CACNA1C: variants seen among roughly 807,000 people sequenced by gnomAD.
The protein encoded by CACNA1C is calcium voltage-gated channel subunit alpha1 C, also known as voltage-dependent L-type calcium channel subunit alpha-1C.
Under a neutral mutation model 229.0 loss-of-function variants are expected in CACNA1C, and 30 were observed. That is an observed-to-expected ratio of 0.13 (90% CI 0.10 to 0.18). CACNA1C has a LOEUF of 0.18. Among genes scored for constraint, CACNA1C ranks in the 10% least tolerant of loss-of-function variants. The probability of loss-of-function intolerance (pLI) is 1.00; values close to 1 mark genes in which losing one functional copy is unlikely to be tolerated. For synonymous variants in CACNA1C, 1,114 were observed against 1,132.5 expected, an observed-to-expected ratio of 0.98 and a Z score of 0.33; for missense variants, 1,658 against 2,845.0, an observed-to-expected ratio of 0.58 and a Z score of 9.49.
intron 3 of CACNA1C, among the ~76,000 whole-genome samples, chr12:2,213,758 G>A (rs77810332): frequency 0.026 from 3,938 of 152,310 alleles, 172 homozygotes; most frequent in African/African-American, 0.09. Flanking sequence ...CGGAGGCAGC[G>A]TTGACAAGGG....
intron 3 of CACNA1C, among the ~76,000 whole-genome samples, chr12:2,442,782 A>C (rs1489863374): frequency 6.6e-6 from 1 of 152,160 alleles, no homozygotes; most frequent in East Asian, 1.9e-4. Context: ...ACATGATGAG[A>C]ACAGAGCAAG....
At chr12:2,270,539 A>G (rs1465989737) in intron 3 of CACNA1C, among the ~76,000 whole-genome samples, 1 of 152,196 alleles carries the variant, frequency 6.6e-6, no homozygotes, top group Non-Finnish European at 1.5e-5. Flanking sequence ...GAACACGAGT[A>G]GTCTCTTTGA....
At chr12:2,208,111 G>C (rs578110391) in intron 3 of CACNA1C, among the ~76,000 whole-genome samples, 1 of 152,282 alleles carries the variant, frequency 6.6e-6, no homozygotes, top group African/African-American at 2.4e-5. Context: ...TGGAATTTCA[G>C]ACTTTAGCAG....
chr12:2,673,481 A>AAAAG (rs1420620264), intron 38 of CACNA1C, among the ~76,000 whole-genome samples: 4 of 151,954 alleles, frequency 2.6e-5, no homozygotes, highest in Non-Finnish European at 5.9e-5. Context: ...AAAAAAAAAA[A>AAAAG]AAAGACACCC....
intron 27 of CACNA1C, 88 bp from the exon 28 acceptor site, chr12:2,610,453 C>G: frequency 1.5e-6 from 2 of 1,339,456 alleles, no homozygotes; most frequent in Non-Finnish European, 2.1e-6. Flanking sequence ...AGTGTGTGGT[C>G]TCATCACATC....
chr12:2,217,502 A>T (rs1451339003), intron 3 of CACNA1C: 1 of 152,248 alleles, frequency 6.6e-6, no homozygotes, highest in Non-Finnish European at 1.5e-5. Flanking sequence ...GAAAAACAGA[A>T]ATGTATAAAG....
chr12:2,029,258 T>C lies in CACNA1C; in HGVS notation c.139+58057T>C, dbSNP rs1373682665. Reference sequence around the variant, plus strand: ...ATTCGTGGGGCCAATATGTTGATGCTGCATTTATAAATTTTTAAAAATTGA... The same window carrying C: ...ATTCGTGGGGCCAATATGTTGATGCCGCATTTATAAATTTTTAAAAATTGA... On this transcript the variant is annotated intron_variant, in intron 1 of 46. Transcript: ENST00000682462. This position sits in a 1 kb window ranked among gnomAD's most constrained non-coding sequence, Gnocchi z 4.9. Among the ~76,000 whole-genome samples, 1 of 152,210 alleles carries C rather than the reference T, an allele frequency of 6.6e-6. No homozygotes were observed. The highest frequency in any genetic ancestry group is 1.5e-5 in the Non-Finnish European group (1 of 68,032).
intron 19 of CACNA1C, among the ~76,000 whole-genome samples, chr12:2,593,924 A>AT (rs2066764826): frequency 6.6e-6 from 1 of 152,176 alleles, no homozygotes; most frequent in Admixed American, 6.5e-5. Context: ...GTAATGGCAA[A>AT]TTCAGTGGGC....
chr12:2,236,618 C>T (rs2067480950), intron 3 of CACNA1C, among the ~76,000 whole-genome samples: 1 of 152,106 alleles, frequency 6.6e-6, no homozygotes, highest in Non-Finnish European at 1.5e-5. Context: ...TTAGTCCTAA[C>T]TTTTCTCAGT....
At chr12:2,060,416 C>T (rs549638833) in intron 1 of CACNA1C, among the ~76,000 whole-genome samples, 6 of 152,328 alleles carry the variant, frequency 3.9e-5, no homozygotes, top group Middle Eastern at 3.4e-3. Context: ...CTAGGACCCC[C>T]GGCCTACTCC....
intron 3 of CACNA1C, among the ~76,000 whole-genome samples, chr12:2,404,979 C>T (rs528540111): frequency 6.6e-6 from 1 of 152,262 alleles, no homozygotes; most frequent in South Asian, 2.1e-4. Context: ...TGCTAAACTG[C>T]ACAAGGAACT....
intron 1 of CACNA1C, among the ~76,000 whole-genome samples, chr12:2,007,631 T>C (rs923788579): frequency 6.6e-6 from 1 of 152,260 alleles, no homozygotes; most frequent in Non-Finnish European, 1.5e-5. Flanking sequence ...GTGAACAACA[T>C]GCTAATATGA....
intron 9 of CACNA1C, among the ~76,000 whole-genome samples, chr12:2,541,689 C>G (rs1425781892): frequency 6.6e-6 from 1 of 152,192 alleles, no homozygotes; most frequent in Admixed American, 6.5e-5. Flanking sequence ...GGATAACGAG[C>G]TACCAGCTAA....
intron 3 of CACNA1C, among the ~76,000 whole-genome samples, chr12:2,360,151 A>ACCTCACCCC (rs2097516466): frequency 1.5e-5 from 1 of 67,600 alleles, no homozygotes; most frequent in Non-Finnish European, 2.9e-5. Flanking sequence ...ACACAAACAC[A>ACCTCACCCC]CCCCACCCCC....
intron 9 of CACNA1C, among the ~76,000 whole-genome samples, chr12:2,519,225 A>T (rs2099804625): frequency 6.6e-6 from 1 of 152,060 alleles, no homozygotes; most frequent in Admixed American, 6.5e-5. Flanking sequence ...CCTTTAATTC[A>T]CCGTTGTGTC....
intron 3 of CACNA1C, among the ~76,000 whole-genome samples, chr12:2,253,892 ATG>A (rs2076471190): frequency 2.6e-5 from 4 of 152,172 alleles, no homozygotes; most frequent in African/African-American, 9.7e-5. Flanking sequence ...TGCCTGATTT[ATG>A]GGATCACTGG....
chr12:2,543,034 T>C (rs982564128), intron 9 of CACNA1C, among the ~76,000 whole-genome samples: 1 of 152,218 alleles, frequency 6.6e-6, no homozygotes, highest in Non-Finnish European at 1.5e-5. Flanking sequence ...CCACTCCTGC[T>C]GGCAGATGTT....
intron 1 of CACNA1C, among the ~76,000 whole-genome samples, chr12:2,065,089 C>T (rs2058851148): frequency 6.6e-6 from 1 of 152,200 alleles, no homozygotes. Context: ...TGCCTCTGGG[C>T]CGCTGTGCAG....
chr12:2,041,432 G>A (rs894485583), intron 1 of CACNA1C, among the ~76,000 whole-genome samples: 3 of 151,758 alleles, frequency 2.0e-5, no homozygotes, highest in African/African-American at 7.3e-5. Flanking sequence ...GCTTGCCACC[G>A]CGTCCGGCTA....
Sources: allele counts gnomAD v4.1 joint callset (sites outside exome capture counted in the v4.1 genomes callset), GRCh38; gene constraint gnomAD v4.1.1; non-coding constraint Gnocchi (gnomAD v3.1); transcripts MANE v1.5; gene names NCBI Gene and HGNC (gene_info 2026-07-23, HGNC 2026-07-21).